Variants in PHTF2 observed in about 807,000 individuals in gnomAD.
PHTF2 encodes protein PHTF2.
Under a neutral mutation model 101.2 loss-of-function variants are expected in PHTF2, and 60 were observed. That is an observed-to-expected ratio of 0.59 (90% confidence interval 0.48 to 0.73). PHTF2 has a LOEUF of 0.73. Among genes scored for constraint, PHTF2 ranks in the 30% least tolerant of loss-of-function variants. The pLI, the probability that PHTF2 is intolerant of heterozygous loss-of-function variation, is 0.00. For synonymous variants in PHTF2, 311 were observed against 307.3 expected, an observed-to-expected ratio of 1.01 and a Z score of -0.13; for missense variants, 747 against 908.7, an observed-to-expected ratio of 0.82 and a Z score of 2.29.
chr7:77,868,050 C>A (rs1294426417), intron 3 of PHTF2, among the ~76,000 whole-genome samples: 2 of 152,042 alleles, frequency 1.3e-5, no homozygotes, highest in African/African-American at 4.8e-5. Context: ...CCTTTTTTCC[C>A]CCCATTCTAT....
chr7:77,812,251 T>C (rs748761055), intron 1 of PHTF2, among the ~76,000 whole-genome samples: 1 of 152,212 alleles, frequency 6.6e-6, no homozygotes, highest in Non-Finnish European at 1.5e-5. Flanking sequence ...TGACACACAT[T>C]TATTCTGTGT....
intron 3 of PHTF2, among the ~76,000 whole-genome samples, chr7:77,866,087 G>A (rs1410848182): frequency 6.6e-6 from 1 of 151,092 alleles, no homozygotes; most frequent in Non-Finnish European, 1.5e-5. Context: ...GGGAGGCCGA[G>A]GCAGGAGAAT....
chr7:77,812,471 A>G (rs552605630), intron 1 of PHTF2, among the ~76,000 whole-genome samples: 1 of 152,314 alleles, frequency 6.6e-6, no homozygotes, highest in South Asian at 2.1e-4. Flanking sequence ...TACTTGAGAG[A>G]TGTCTAAGTA....
At chr7:77,819,787 G>A (rs1584388596) in intron 1 of PHTF2, among the ~76,000 whole-genome samples, 1 of 152,030 alleles carries the variant, frequency 6.6e-6, no homozygotes, top group South Asian at 2.1e-4. Context: ...TCAATTTTTT[G>A]GAATAATTTG....
intron 3 of PHTF2, among the ~76,000 whole-genome samples, chr7:77,865,025 T>A (rs536253860): frequency 6.6e-6 from 1 of 152,254 alleles, no homozygotes; most frequent in East Asian, 1.9e-4. Context: ...TCTGAATCTT[T>A]TTGACATGAC....
At position 77,920,397 on chromosome 7, in the gene PHTF2, C is replaced by T; in HGVS notation, c.895C>T (p.Gln299Ter). ...AGATGGAATACAAAACCATGAACCT[C>T]AGTGTGAAACTATTCGACCAGAAGA... is the stretch of plus-strand genomic sequence containing the variant. The change falls in exon 10 of 20, where the codon CAG becomes TAG. Residue 299 changes from glutamine to a stop codon, truncating the protein, a stop_gained. Transcript: ENST00000416283. LOFTEE classifies it high-confidence loss of function. 6.2e-7 allele frequency: 1 copy of T among 1,613,374 alleles called. No homozygotes were observed. Among genetic ancestry groups the T allele is most frequent in the Non-Finnish European group, 8.5e-7 (1 of 1,179,430 alleles).
At chr7:77,865,163 AG>A (rs997734117) in intron 3 of PHTF2, among the ~76,000 whole-genome samples, 1 of 152,018 alleles carries the variant, frequency 6.6e-6, no homozygotes, top group African/African-American at 2.4e-5. Flanking sequence ...AAACATTCTG[AG>A]ATGTTCCATA....
chr7:77,911,289 A>G (rs936853323), intron 9 of PHTF2, among the ~76,000 whole-genome samples: 3 of 147,116 alleles, frequency 2.0e-5, no homozygotes, highest in Admixed American at 2.0e-4. Flanking sequence ...GCATACAACT[A>G]TACAAAAATG....
intron 11 of PHTF2, among the ~76,000 whole-genome samples, chr7:77,925,663 C>T (rs1584730773): frequency 6.6e-6 from 1 of 151,634 alleles, no homozygotes; most frequent in African/African-American, 2.4e-5. Flanking sequence ...TGGGGTTTCG[C>T]CCTGTTGGCT....
At chr7:77,854,980 G>C in intron 3 of PHTF2, 1 of 574,080 alleles carries the variant, frequency 1.7e-6, no homozygotes, top group Non-Finnish European at 3.1e-6. Context: ...CTGTGGCTGA[G>C]CTGGTGCCCA....
chr7:77,939,151 C>T (rs866300804), intron 13 of PHTF2, among the ~76,000 whole-genome samples: 1 of 152,174 alleles, frequency 6.6e-6, no homozygotes, highest in South Asian at 2.1e-4. Context: ...GTCTAGCATA[C>T]TGGAAGCTTT....
chr7:77,892,870 T>C (rs1216614364), intron 3 of PHTF2, among the ~76,000 whole-genome samples: 1 of 152,252 alleles, frequency 6.6e-6, no homozygotes, highest in African/African-American at 2.4e-5. Context: ...CAACTTTGTT[T>C]TCCAATTTAA....
intron 3 of PHTF2, among the ~76,000 whole-genome samples, chr7:77,884,706 G>A (rs919471183): frequency 6.6e-6 from 1 of 152,242 alleles, no homozygotes; most frequent in Non-Finnish European, 1.5e-5. Context: ...AGACCAGCCT[G>A]ACCAATATGG....
At chr7:77,948,395 A>C (rs959160268) in intron 16 of PHTF2, among the ~76,000 whole-genome samples, 4 of 152,174 alleles carry the variant, frequency 2.6e-5, no homozygotes, top group African/African-American at 9.7e-5. Flanking sequence ...ACTTCATGCT[A>C]TACATAAAAA....
intron 6 of PHTF2, 49 bp downstream of exon 5, chr7:77,900,829 G>T: frequency 1.1e-6 from 1 of 947,648 alleles, no homozygotes; most frequent in South Asian, 1.3e-5. Flanking sequence ...TGTTCTGGAA[G>T]AAACAGAATT....
At chr7:77,942,076 C>T (rs943400740) in intron 15 of PHTF2, among the ~76,000 whole-genome samples, 3 of 152,262 alleles carry the variant, frequency 2.0e-5, no homozygotes, top group African/African-American at 7.2e-5. Context: ...TGTTCTTGCA[C>T]ATGCCCTTCC....
chr7:77,825,195 A>G (rs1267049066), intron 1 of PHTF2, among the ~76,000 whole-genome samples: 2 of 152,176 alleles, frequency 1.3e-5, no homozygotes, highest in African/African-American at 4.8e-5. Flanking sequence ...AAAAAGGGGT[A>G]TCTGTAGCTT....
chr7:77,929,013 T>C (rs1804315735), intron 11 of PHTF2, 96 bp from the exon 11 acceptor site: 1 of 821,162 alleles, frequency 1.2e-6, no homozygotes, highest in Non-Finnish European at 1.9e-6. Flanking sequence ...ATTTGTTGTT[T>C]TAGCAAAAAG....
rs71082798 is a variant in PHTF2, at chr7:77,947,837, CTTTTTT to C, written c.1960-1828_1960-1823del. On this transcript the variant is annotated intron_variant, in intron 16 of 19. Transcript: ENST00000416283. The stretch of plus-strand genomic sequence containing the variant: ...TTATTTTCTTTTTTCTTTTTTCTTT[CTTTTTT>C]TTTTTTTTTTTTGAGACAGAGTCTT... 9.5e-5 allele frequency among the ~76,000 whole-genome samples: 7 copies of C among 73,806 alleles called. No homozygotes were observed. The Admixed American group carries it at 9.9e-4, about 10-fold the overall frequency. The allele number at this position is 73,806 out of a possible 152,430, so 48.4% of individuals were successfully genotyped here.
Sources: gnomAD v4.1 joint callset for allele counts (sites outside exome capture counted in the v4.1 genomes callset) on GRCh38, gnomAD v4.1.1 for gene constraint, MANE v1.5 for transcripts, NCBI Gene and HGNC (gene_info 2026-07-23, HGNC 2026-07-21) for gene names.